Variants in TENM4 observed in about 807,000 individuals in gnomAD.
TENM4 encodes teneurin transmembrane protein 4.
TENM4 carries 82 observed loss-of-function variants against 243.3 expected under a neutral mutation model. That is an observed-to-expected ratio of 0.34 (90% CI 0.28 to 0.40). TENM4 has a LOEUF of 0.40. Ranked by LOEUF, TENM4 falls within the 10% of genes least tolerant of loss-of-function variation. The pLI is 1.00. For missense variants in TENM4, 3,138 were observed against 3,673.3 expected (o/e 0.85, Z 3.77); for synonymous variants, 1,412 against 1,456.3 (o/e 0.97, Z 0.69).
chr11:79,163,263 G>A (rs770441681), intron 3 of TENM4, among the ~76,000 whole-genome samples: 1 of 151,976 alleles, frequency 6.6e-6, no homozygotes, highest in African/African-American at 2.4e-5. Flanking sequence ...GTTGCTTCAC[G>A]TTTGTATGAA....
Position 79,173,177 on chromosome 11 carries a change from C to T in TENM4, c.-162-24371G>A, listed in dbSNP as rs116835135. Among the ~76,000 whole-genome samples, 678 of 152,258 alleles carry T rather than the reference C, an allele frequency of 4.5e-3. 10 individuals carry two copies. The highest frequency in any genetic ancestry group is 0.016 in the African/African-American group (648 of 41,552). ...CATGTATTTATTGAGTACATTTTAT[C>T]GACCAGGCTCAGTCAAGGCACATTT... On this transcript the variant is annotated intron_variant, in intron 3 of 33. Transcript: ENST00000278550.
At chr11:79,209,972 T>C (rs972487887) in intron 3 of TENM4, among the ~76,000 whole-genome samples, 2 of 152,234 alleles carry the variant, frequency 1.3e-5, no homozygotes, top group African/African-American at 4.8e-5. Flanking sequence ...AGATAAAACA[T>C]ACAATATGCC....
chr11:78,761,939 A>T (rs560623407), intron 18 of TENM4, among the ~76,000 whole-genome samples: 5 of 152,236 alleles, frequency 3.3e-5, no homozygotes, highest in Non-Finnish European at 4.4e-5. Flanking sequence ...GGCCTGCTGT[A>T]GCTTGGGCTC....
In TENM4 at chr11:78,702,214, G is replaced by C. The variant is rs774771199; in HGVS notation, c.4399C>G (p.Leu1467Val). 6.2e-7 allele frequency: 1 copy of C among 1,614,058 alleles called. No homozygotes were observed. Among genetic ancestry groups the C allele is most frequent in the African/African-American group, 1.3e-5 (1 of 75,066 alleles). Residue 1467 changes from leucine to valine, a missense_variant, in exon 28 of 34, where the codon CTG (leucine) becomes GTG (valine). Around this residue, in one of 2 missense-constraint regions of TENM4, gnomAD observed 2,467 missense variants for 3,059.1 expected, o/e 0.81. Coordinates refer to ENST00000278550, the MANE Select transcript of TENM4 (RefSeq NM_001098816.3). ...ACAGCCAAAGCGGTGGCTGACTCCA[G>C]GGTTGCGTGGATGGCCACCTTGCTT... Reference protein sequence around the residue: ...LLSKVAIHATLESATALAVSH... With the variant: ...LLSKVAIHATVESATALAVSH...
chr11:78,672,841 C>T lies in TENM4; in HGVS notation c.5497-512G>A, dbSNP rs565955142. On this transcript the variant is annotated intron_variant, in intron 30 of 33. Coordinates refer to ENST00000278550, the MANE Select transcript of TENM4 (RefSeq NM_001098816.3). ...CTGGACTTGACTCTCACACATACAA[C>T]GTGCCCCCAAACACTCAGTGGCCCT... 8.5e-5 allele frequency among the ~76,000 whole-genome samples: 13 copies of T among 152,178 alleles called. No individual in the cohort carries two copies. In the South Asian group the frequency reaches 2.1e-3, roughly 24 times the overall value.
rs769658072 is a variant in TENM4 at position 78,658,262 on chromosome 11, C to G, written c.8106G>C (p.Ala2702=). The G allele has an allele frequency of 6.2e-7, 1 of 1,613,480 alleles. No individual in the cohort carries two copies. Among genetic ancestry groups the G allele is most frequent in the African/African-American group, 1.3e-5 (1 of 74,942 alleles). ...GCAGTCTCTGCTGCTCGCGGGCCCA[C>G]GCTTGGCGCACGGCTCTCTGCCGGG... ...ELARQRAVRQ[A]WAREQQRLRE... Residue 2702 remains alanine, a synonymous_variant, in exon 34 of 34, where the codon GCG becomes GCC. Transcript: ENST00000278550.
chr11:78,810,345 T>C (rs1380851244), intron 14 of TENM4, among the ~76,000 whole-genome samples: 1 of 152,164 alleles, frequency 6.6e-6, no homozygotes, highest in Non-Finnish European at 1.5e-5. Context: ...CTCTTATAAA[T>C]AACACTGCAG....
intron 4 of TENM4, among the ~76,000 whole-genome samples, chr11:79,134,772 T>A (rs1862075066): frequency 6.6e-6 from 1 of 152,164 alleles, no homozygotes; most frequent in Non-Finnish European, 1.5e-5. Context: ...CACATGGTGC[T>A]GGGATAATTG....
chr11:79,412,758 T>A (rs1232395100), intron 1 of TENM4, among the ~76,000 whole-genome samples: 1 of 152,230 alleles, frequency 6.6e-6, no homozygotes, highest in Non-Finnish European at 1.5e-5. Flanking sequence ...GATTATCATG[T>A]TTTCGTGCAT....
chr11:78,933,932 A>T (rs1856725728), intron 6 of TENM4, among the ~76,000 whole-genome samples: 1 of 152,138 alleles, frequency 6.6e-6, no homozygotes, highest in Non-Finnish European at 1.5e-5. Flanking sequence ...ATACAAATTA[A>T]AAATACCTTC....
At chr11:79,400,789 A>G (rs1858444894) in intron 1 of TENM4, among the ~76,000 whole-genome samples, 1 of 152,146 alleles carries the variant, frequency 6.6e-6, no homozygotes, top group African/African-American at 2.4e-5. Flanking sequence ...TTCTTATGTT[A>G]TCTGTTCCCT....
At chr11:78,785,829 T>C (rs978338940) in intron 16 of TENM4, among the ~76,000 whole-genome samples, 1 of 152,112 alleles carries the variant, frequency 6.6e-6, no homozygotes, top group Non-Finnish European at 1.5e-5. Flanking sequence ...CTCTGTTTGC[T>C]CAAAATTCCT....
intron 1 of TENM4, among the ~76,000 whole-genome samples, chr11:79,385,964 A>G (rs1427311748): frequency 6.6e-6 from 1 of 152,230 alleles, no homozygotes; most frequent in South Asian, 2.1e-4. Flanking sequence ...CCTCAAAAAA[A>G]CAGCATATTA....
intron 4 of TENM4, among the ~76,000 whole-genome samples, chr11:79,130,080 C>T (rs1443234948): frequency 2.6e-5 from 4 of 152,274 alleles, no homozygotes; most frequent in Admixed American, 1.3e-4. Flanking sequence ...AGACAACTCC[C>T]AGTACCAGCC....
intron 6 of TENM4, among the ~76,000 whole-genome samples, chr11:78,919,655 C>T (rs938603940): frequency 6.6e-6 from 1 of 152,076 alleles, no homozygotes; most frequent in African/African-American, 2.4e-5. Flanking sequence ...GAAACAGGGT[C>T]AGGAGGGATT....
In TENM4 at chr11:78,814,350, C is replaced by T. The variant is rs1221733377; in HGVS notation, c.1727G>A (p.Cys576Tyr). 6.4e-7 allele frequency: 1 copy of T among 1,550,436 alleles called. No individual in the cohort carries two copies. Among genetic ancestry groups the T allele is most frequent in the East Asian group, 2.5e-5 (1 of 40,780 alleles). ...GAAGCAGTGGCAGGTCCCAGAGATG[C>T]AGTCACCATTGCCATAGCAGTTGCT... ...CPSNCYGNGD[C>Y]ISGTCHCFLG... The change falls in exon 13 of 34, where the codon TGC becomes TAC. Residue 576 changes from cysteine to tyrosine, a missense_variant. Cys to Tyr is a radical substitution (Grantham distance 194). Around this residue, in one of 2 missense-constraint regions of TENM4, gnomAD observed 2,467 missense variants for 3,059.1 expected, o/e 0.81. Coordinates refer to ENST00000278550, the MANE Select transcript of TENM4 (RefSeq NM_001098816.3).
chr11:79,364,698 G>A (rs1302059652), intron 1 of TENM4, among the ~76,000 whole-genome samples: 1 of 152,166 alleles, frequency 6.6e-6, no homozygotes. Flanking sequence ...CAAGAAAACT[G>A]AGGCTTCTAT....
intron 1 of TENM4, among the ~76,000 whole-genome samples, chr11:79,416,826 C>A (rs568801448): frequency 1.3e-5 from 2 of 151,682 alleles, no homozygotes; most frequent in East Asian, 1.9e-4. Flanking sequence ...GCAAAGCTTG[C>A]GTCTTCTATC....
At chr11:79,237,284 G>A (rs1249400115) in intron 2 of TENM4, among the ~76,000 whole-genome samples, 2 of 152,100 alleles carry the variant, frequency 1.3e-5, no homozygotes, top group Admixed American at 6.5e-5. Context: ...GGAGAGACAA[G>A]CTCCTCCGGA....
Sources: allele counts gnomAD v4.1 joint callset (sites outside exome capture counted in the v4.1 genomes callset), GRCh38; gene constraint gnomAD v4.1.1; regional missense constraint gnomAD v4.1.1; transcripts MANE v1.5; gene names NCBI Gene and HGNC (gene_info 2026-07-23, HGNC 2026-07-21).